The following COL25A1 variants were observed in gnomAD, a reference collection of about 807,000 sequenced individuals.
COL25A1 encodes collagen alpha-1(XXV) chain.
A neutral mutation model predicts 128.4 loss-of-function variants in COL25A1; 103 were observed. That is an observed-to-expected ratio of 0.80 (90% CI 0.68 to 0.94). COL25A1 has a LOEUF of 0.94. COL25A1 is among the 40% of genes least tolerant of loss of function. COL25A1 has a pLI of 0.00. For synonymous variants in COL25A1, 279 were observed against 277.2 expected (o/e 1.01, Z -0.06); for missense variants, 745 against 840.0 (o/e 0.89, Z 1.40).
chr4:108,873,751 A>G (rs181790322), intron 19 of COL25A1, among the ~76,000 whole-genome samples: 112 of 152,300 alleles, frequency 7.4e-4, no homozygotes, highest in African/African-American at 2.6e-3. Flanking sequence ...TTATGAGACA[A>G]TATCCATCTG....
chr4:109,042,502 G>T (rs1377825385), intron 5 of COL25A1, among the ~76,000 whole-genome samples: 2 of 151,728 alleles, frequency 1.3e-5, no homozygotes, highest in African/African-American at 4.8e-5. Context: ...GGTTTGTTAT[G>T]GTGACTGTTA....
chr4:108,952,245 AC>A (rs1749519160), intron 8 of COL25A1, among the ~76,000 whole-genome samples: 1 of 152,208 alleles, frequency 6.6e-6, no homozygotes, highest in African/African-American at 2.4e-5. Context: ...TATCTGGTAT[AC>A]ATCTTTTAAT....
At chr4:109,213,025 T>A (rs140452550) in intron 3 of COL25A1, among the ~76,000 whole-genome samples, 1,969 of 152,298 alleles carry the variant, frequency 0.013, 28 homozygotes, top group Non-Finnish European at 0.022. Flanking sequence ...TGACAGGGTG[T>A]CCTGTTTCTG....
At chr4:109,145,765 C>T (rs1441053441) in intron 3 of COL25A1, among the ~76,000 whole-genome samples, 3 of 152,012 alleles carry the variant, frequency 2.0e-5, no homozygotes, top group African/African-American at 4.8e-5. Context: ...CACTTGAACC[C>T]GGGAGATGGA....
intron 3 of COL25A1, among the ~76,000 whole-genome samples, chr4:109,132,820 T>C (rs1019121954): frequency 1.3e-5 from 2 of 152,148 alleles, no homozygotes; most frequent in Non-Finnish European, 2.9e-5. Context: ...TAGATTTCCA[T>C]ATTACTTTGT....
At chr4:108,951,773 A>G (rs967997253) in intron 8 of COL25A1, among the ~76,000 whole-genome samples, 2 of 152,210 alleles carry the variant, frequency 1.3e-5, no homozygotes, top group African/African-American at 4.8e-5. Flanking sequence ...ATGTAAGGCT[A>G]TTTATGGTCA....
chr4:108,911,268 G>GT (rs1207849074), intron 13 of COL25A1, among the ~76,000 whole-genome samples: 1 of 152,130 alleles, frequency 6.6e-6, no homozygotes, highest in Non-Finnish European at 1.5e-5. Flanking sequence ...AGTATAAATT[G>GT]TAAGCATTGC....
Position 108,848,800 on chromosome 4 carries a change from C to G in COL25A1, c.1393G>C (p.Glu465Gln), listed in dbSNP as rs762564708. ...CCTGGGATTCCTGGAGATCCCTGCT[C>G]TCCCTATTAAGATAAAAATAGATGA... ...GPQGLQGPKG[E>Q]QGSPGIPGMD... is the part of the protein sequence containing the mutation. Residue 465 changes from glutamate (E) to glutamine (Q), a missense_variant, in exon 27 of 38, where the codon GAG (glutamate) becomes CAG (glutamine). Glu to Gln is a conservative substitution (Grantham distance 29). Coordinates refer to ENST00000399132, the MANE Select transcript of COL25A1 (RefSeq NM_198721.4). 1.2e-6 allele frequency: 2 copies of G among 1,606,814 alleles called. No individual in the cohort carries two copies. The highest frequency in any genetic ancestry group is 2.2e-5 in the South Asian group (2 of 90,874).
chr4:108,933,614 T>A (rs1169945178), intron 11 of COL25A1, among the ~76,000 whole-genome samples: 1 of 152,196 alleles, frequency 6.6e-6, no homozygotes, highest in African/African-American at 2.4e-5. Context: ...CCAAGTTATA[T>A]CACTAGACAT....
chr4:108,898,809 A>C (rs1221671235), intron 15 of COL25A1, among the ~76,000 whole-genome samples: 1 of 152,090 alleles, frequency 6.6e-6, no homozygotes, highest in East Asian at 1.9e-4. Context: ...AGAATGTTTA[A>C]ATTTGCTCCC....
At chr4:108,881,187 A>G (rs1740076663) in intron 19 of COL25A1, among the ~76,000 whole-genome samples, 1 of 152,178 alleles carries the variant, frequency 6.6e-6, no homozygotes, top group Non-Finnish European at 1.5e-5. Flanking sequence ...GACTTTTATT[A>G]TGTATGCCTA....
chr4:109,218,367 T>TG (rs1352239817), intron 3 of COL25A1, among the ~76,000 whole-genome samples: 30 of 128,330 alleles, frequency 2.3e-4, no homozygotes, highest in Middle Eastern at 3.5e-3. Flanking sequence ...GTTTTTTTTT[T>TG]TTTTTTTTTT....
chr4:109,015,007 C>T lies in COL25A1; in HGVS notation c.421-4632G>A, dbSNP rs370835425. 7.2e-5 allele frequency among the ~76,000 whole-genome samples: 11 copies of T among 152,284 alleles called. No homozygotes were observed. The East Asian group carries it at 7.7e-4, about 11-fold the overall frequency. ...GTCCGGCAGCGCCGAGTCTTGCAGTCGTCCTAATAGAGCCATCTGGCCAAA... is the reference window on the plus strand; with the variant it reads ...GTCCGGCAGCGCCGAGTCTTGCAGTTGTCCTAATAGAGCCATCTGGCCAAA... On this transcript the variant is annotated intron_variant, in intron 5 of 37. Transcript: ENST00000399132.
chr4:108,927,517 A>G (rs1477241513), intron 11 of COL25A1, among the ~76,000 whole-genome samples: 3 of 152,124 alleles, frequency 2.0e-5, no homozygotes, highest in Non-Finnish European at 4.4e-5. Flanking sequence ...TGTTCTGTTT[A>G]AGTATCTGAG....
chr4:108,972,021 G>C (rs111361238), intron 8 of COL25A1, among the ~76,000 whole-genome samples: 2 of 151,988 alleles, frequency 1.3e-5, no homozygotes, highest in Non-Finnish European at 2.9e-5. Context: ...TTCCAGCTTC[G>C]ATTTACCTCT....
At chr4:108,921,984 T>C (rs967431175) in intron 11 of COL25A1, among the ~76,000 whole-genome samples, 2 of 152,124 alleles carry the variant, frequency 1.3e-5, no homozygotes, top group African/African-American at 2.4e-5. Flanking sequence ...ACCAAACGTA[T>C]GTGTACCTCT....
At chr4:108,858,441 G>T (rs192230135) in intron 24 of COL25A1, among the ~76,000 whole-genome samples, 1 of 152,088 alleles carries the variant, frequency 6.6e-6, no homozygotes, top group Non-Finnish European at 1.5e-5. Context: ...TGGTGAGACA[G>T]AATAAGTAAA....
intron 6 of COL25A1, among the ~76,000 whole-genome samples, chr4:108,998,529 G>A (rs1340789024): frequency 6.6e-6 from 1 of 152,120 alleles, no homozygotes; most frequent in Non-Finnish European, 1.5e-5. Context: ...TCATGAAAAT[G>A]GCCAACCTGC....
At chr4:109,234,578 TAGATAA>T (rs1473506334) in intron 3 of COL25A1, among the ~76,000 whole-genome samples, 14 of 152,190 alleles carry the variant, frequency 9.2e-5, no homozygotes, top group African/African-American at 3.1e-4. Context: ...GCAGCCATCT[TAGATAA>T]CAAAAAAACT....
Sources: gnomAD v4.1 joint callset for allele counts (sites outside exome capture counted in the v4.1 genomes callset) on GRCh38, gnomAD v4.1.1 for gene constraint, MANE v1.5 for transcripts, NCBI Gene and HGNC (gene_info 2026-07-23, HGNC 2026-07-21) for gene names.